CCDC102B: variants seen among roughly 807,000 people sequenced by gnomAD.
The protein encoded by CCDC102B is coiled-coil domain containing 102B.
In CCDC102B, 75 loss-of-function variants were observed where a neutral mutation model predicts 57.4. The observed-to-expected ratio is 1.31, with a 90% CI of 1.08 to 1.58. The LOEUF (loss-of-function observed/expected upper bound fraction) is 1.58, where lower values mean the gene tolerates loss of function less well. CCDC102B is among the 40% of genes most tolerant of loss of function. CCDC102B has a pLI of 0.00. For synonymous variants in CCDC102B, 206 were observed against 201.9 expected (o/e 1.02, Z -0.17); for missense variants, 636 against 582.6 (o/e 1.09, Z -0.94).
intron 2 of CCDC102B, among the ~76,000 whole-genome samples, chr18:68,744,681 C>A (rs1030026160): frequency 2.0e-5 from 3 of 152,132 alleles, no homozygotes; most frequent in African/African-American, 7.2e-5. Context: ...CATGAAGACG[C>A]CTCTCAATGA....
At chr18:68,860,487 A>G (rs1431941794) in intron 4 of CCDC102B, among the ~76,000 whole-genome samples, 3 of 131,244 alleles carry the variant, frequency 2.3e-5, no homozygotes, top group African/African-American at 8.0e-5. Context: ...AAAAAAAAAA[A>G]AGACACTACA....
At chr18:68,759,835 G>A (rs942890663) in intron 2 of CCDC102B, among the ~76,000 whole-genome samples, 1 of 152,002 alleles carries the variant, frequency 6.6e-6, no homozygotes, top group Non-Finnish European at 1.5e-5. Flanking sequence ...CCACATAGAT[G>A]CCCACACTTC....
chr18:69,015,797 C>T (rs1459305770), intron 7 of CCDC102B, among the ~76,000 whole-genome samples: 1 of 152,156 alleles, frequency 6.6e-6, no homozygotes, highest in Non-Finnish European at 1.5e-5. Flanking sequence ...ATTCATCCTT[C>T]ATCATTTTAC....
chr18:68,973,730 T>G (rs141778407), intron 6 of CCDC102B, among the ~76,000 whole-genome samples: 105 of 152,278 alleles, frequency 6.9e-4, no homozygotes, highest in Middle Eastern at 3.4e-3. Context: ...ATCAAAAATG[T>G]ACAATATTTG....
In CCDC102B at chr18:68,750,161, G is replaced by A. The variant is rs545275850; in HGVS notation, c.-67+33567G>A. 7.2e-5 allele frequency among the ~76,000 whole-genome samples: 11 copies of A among 152,296 alleles called. No homozygotes were observed. In the East Asian group the frequency reaches 1.9e-3, roughly 27 times the overall value. ...CTTCTCAAAAGAAGACATTTGTGCA[G>A]CCAACAGACACATGAAAAAATGTTC... On this transcript the variant is annotated intron_variant, in intron 2 of 3. Coordinates refer to the CCDC102B transcript ENST00000578970.
At chr18:68,988,681 T>G (rs1245860958) in intron 6 of CCDC102B, among the ~76,000 whole-genome samples, 1 of 152,184 alleles carries the variant, frequency 6.6e-6, no homozygotes, top group East Asian at 1.9e-4. Flanking sequence ...AACTTCATGA[T>G]TATGTCATTC....
intron 7 of CCDC102B, among the ~76,000 whole-genome samples, chr18:69,052,129 A>T (rs2145500974): frequency 6.6e-6 from 1 of 152,100 alleles, no homozygotes; most frequent in East Asian, 1.9e-4. Flanking sequence ...GAACATTATA[A>T]CATGAATATA....
At chr18:68,882,738 A>G (rs1384510679) in intron 5 of CCDC102B, among the ~76,000 whole-genome samples, 1 of 152,138 alleles carries the variant, frequency 6.6e-6, no homozygotes, top group Admixed American at 6.5e-5. Flanking sequence ...AATTTTTTAC[A>G]TCTGGAAAAT....
chr18:68,836,767 A>T lies in CCDC102B; in HGVS notation c.4A>T (p.Asn2Tyr). The T allele has an allele frequency of 6.2e-7, 1 of 1,610,066 alleles. No homozygotes were observed. Among genetic ancestry groups the T allele is most frequent in the Non-Finnish European group, 8.5e-7 (1 of 1,178,270 alleles). Residue 2 changes from asparagine (N) to tyrosine (Y), a missense_variant, in exon 2 of 8, where the codon AAT becomes TAT. Coordinates refer to ENST00000360242, the MANE Select transcript of CCDC102B (RefSeq NM_024781.3). M[N>Y]LDSIHRLIEE... ...TTCTCAGGTCTTAAAAATAAATATG[A>T]ATTTAGATTCCATACATCGATTAAT...
chr18:68,850,166 G>A (rs1434359275), intron 4 of CCDC102B, among the ~76,000 whole-genome samples: 1 of 152,072 alleles, frequency 6.6e-6, no homozygotes, highest in Non-Finnish European at 1.5e-5. Flanking sequence ...TGCAGCAAGA[G>A]TCAATATGTT....
rs1491296876 is a variant in CCDC102B, at chr18:68,733,507, T to TATATATATATATATATATATATATATA, written c.-67+16913_-67+16914insATATATATATATATATATATATATATA. Among the ~76,000 whole-genome samples the TATATATATATATATATATATATATATA allele has an allele frequency of 1.2e-4, 9 of 76,142 alleles. 1 individual carries two copies. The highest frequency in any genetic ancestry group is 3.5e-4 in the African/African-American group (6 of 17,018). 50.0% of individuals were successfully genotyped at this position (76,142 alleles called of 152,430 possible). A position where few individuals can be genotyped will look rare whatever the true frequency, so the allele number is the denominator to read the frequency against. On this transcript the variant is annotated intron_variant, in intron 2 of 3. Coordinates refer to the CCDC102B transcript ENST00000578970. ...ATATATATATATATATATATATATA[T>TATATATATATATATATATATATATATA]TTTTTTAACTTAAGCATGCTTTAAG... is the stretch of plus-strand genomic sequence containing the variant.
At chr18:68,809,530 G>A (rs2144706366) in intron 1 of CCDC102B, among the ~76,000 whole-genome samples, 1 of 152,190 alleles carries the variant, frequency 6.6e-6, no homozygotes, top group East Asian at 1.9e-4. Context: ...TATTAAAAAT[G>A]TTAACATCTA....
chr18:69,040,853 A>T (rs1025574143), intron 7 of CCDC102B, among the ~76,000 whole-genome samples: 2 of 152,114 alleles, frequency 1.3e-5, no homozygotes, highest in Admixed American at 1.3e-4. Context: ...TATCAATATC[A>T]GTAGCCTCTC....
At chr18:68,909,753 T>C (rs1386782875) in intron 6 of CCDC102B, among the ~76,000 whole-genome samples, 2 of 152,046 alleles carry the variant, frequency 1.3e-5, no homozygotes, top group Admixed American at 6.6e-5. Flanking sequence ...ATTAAGGGGG[T>C]TATCACAATG....
At chr18:68,996,634 C>T (rs2051035947) in intron 6 of CCDC102B, among the ~76,000 whole-genome samples, 1 of 152,154 alleles carries the variant, frequency 6.6e-6, no homozygotes, top group Non-Finnish European at 1.5e-5. Context: ...CCCATTTCTT[C>T]CATTTGGAAC....
At position 69,042,457 on chromosome 18, in the gene CCDC102B, A is replaced by T. The variant is rs574678007; in HGVS notation, c.1435-11573A>T. On this transcript the variant is annotated intron_variant, in intron 7 of 7. Transcript: ENST00000360242. ...GTCTTATCTACATGGCTACCACTTT[A>T]AAGCTACCACCATGTCTCACTGGAC... Among the ~76,000 whole-genome samples the T allele has an allele frequency of 8.5e-5, 13 of 152,238 alleles. No homozygotes were observed. In the East Asian group the frequency reaches 2.3e-3, roughly 27 times the overall value.
intron 4 of CCDC102B, among the ~76,000 whole-genome samples, chr18:68,864,582 A>T (rs1396881514): frequency 6.6e-6 from 1 of 151,444 alleles, no homozygotes; most frequent in Non-Finnish European, 1.5e-5. Context: ...ATGCACTAAA[A>T]ATTAGTTCTG....
intron 6 of CCDC102B, among the ~76,000 whole-genome samples, chr18:68,912,316 T>C (rs2145078328): frequency 6.6e-6 from 1 of 152,356 alleles, no homozygotes; most frequent in South Asian, 2.1e-4. Flanking sequence ...CAGTTAGATA[T>C]AAAGAAAAAC....
chr18:68,916,323 G>A (rs985642608), intron 6 of CCDC102B, among the ~76,000 whole-genome samples: 2 of 152,140 alleles, frequency 1.3e-5, no homozygotes, highest in African/African-American at 4.8e-5. Context: ...CCTCTGGGAA[G>A]TACCAGAAGA....
Sources: gnomAD v4.1 joint callset for allele counts (sites outside exome capture counted in the v4.1 genomes callset) on GRCh38, gnomAD v4.1.1 for gene constraint, MANE v1.5 for transcripts, NCBI Gene and HGNC (gene_info 2026-07-23, HGNC 2026-07-21) for gene names.